CHCHD3: variants seen among roughly 807,000 people sequenced by gnomAD.
CHCHD3 encodes the protein coiled-coil-helix-coiled-coil-helix domain containing 3, also known as MICOS complex subunit MIC19.
CHCHD3 carries 20 observed loss-of-function variants against 38.2 expected under a neutral mutation model. The ratio of observed to expected loss-of-function variants is 0.52; its 90% CI spans 0.37 to 0.76. CHCHD3 has a LOEUF of 0.76. CHCHD3 is among the 30% of genes least tolerant of loss of function. The pLI is 0.00. For synonymous variants in CHCHD3, 82 were observed against 100.0 expected (o/e 0.82, Z 1.07); for missense variants, 245 against 279.2 (o/e 0.88, Z 0.87).
At chr7:132,945,766 C>G (rs1433660517) in intron 4 of CHCHD3, among the ~76,000 whole-genome samples, 1 of 151,860 alleles carries the variant, frequency 6.6e-6, no homozygotes, top group African/African-American at 2.4e-5. Flanking sequence ...GGCATTGACA[C>G]TAGGCACACA....
intron 4 of CHCHD3, among the ~76,000 whole-genome samples, chr7:132,960,533 T>C (rs959254482): frequency 1.3e-4 from 20 of 152,200 alleles, no homozygotes; most frequent in Non-Finnish European, 2.8e-4. Context: ...CATTCTTCTA[T>C]CACCTGTGCA....
chr7:132,797,092 C>T (rs932168049), intron 6 of CHCHD3, among the ~76,000 whole-genome samples: 1 of 152,118 alleles, frequency 6.6e-6, no homozygotes, highest in African/African-American at 2.4e-5. Context: ...CATAGGAAAT[C>T]GAAGATGGTC....
chr7:132,971,293 T>C (rs1411283480), intron 4 of CHCHD3, among the ~76,000 whole-genome samples: 1 of 152,200 alleles, frequency 6.6e-6, no homozygotes, highest in Non-Finnish European at 1.5e-5. Context: ...GGTAAAATCA[T>C]TATCAGTAGA....
At position 133,035,783 on chromosome 7, in the gene CHCHD3, G is replaced by A; in HGVS notation, c.170-11156C>T. ...CAGGAAATTTGCGAAGAAATTCAGA[G>A]GTGCGGTTGGTTTGGCCAAAATGGA... On this transcript the variant is annotated intron_variant, in intron 2 of 7. Coordinates refer to ENST00000262570, the MANE Select transcript of CHCHD3 (RefSeq NM_017812.4). This position sits in a 1 kb window ranked among gnomAD's most constrained non-coding sequence, Gnocchi z 4.7. The A allele has an allele frequency of 2.5e-6, 4 of 1,613,264 alleles. No individual in the cohort carries two copies. Among genetic ancestry groups the A allele is most frequent in the Non-Finnish European group, 3.4e-6 (4 of 1,179,278 alleles).
At chr7:132,859,424 G>C (rs1026918453) in intron 5 of CHCHD3, among the ~76,000 whole-genome samples, 2 of 152,010 alleles carry the variant, frequency 1.3e-5, no homozygotes, top group African/African-American at 4.8e-5. Context: ...AAGTAACACA[G>C]GAAAAATTGG....
At chr7:132,991,153 C>T (rs1458385980) in intron 3 of CHCHD3, among the ~76,000 whole-genome samples, 1 of 152,164 alleles carries the variant, frequency 6.6e-6, no homozygotes, top group Non-Finnish European at 1.5e-5. Context: ...TTGATTCTTA[C>T]ATTGAGCTGC....
chr7:132,816,019 C>T (rs1380109868), intron 6 of CHCHD3, among the ~76,000 whole-genome samples: 3 of 152,200 alleles, frequency 2.0e-5, no homozygotes, highest in Non-Finnish European at 4.4e-5. Context: ...ATTTGCCTTT[C>T]CTTGCACTAG....
At chr7:133,027,798 A>T (rs1343064996) in intron 2 of CHCHD3, among the ~76,000 whole-genome samples, 1 of 152,180 alleles carries the variant, frequency 6.6e-6, no homozygotes, top group African/African-American at 2.4e-5. Flanking sequence ...GCTCTTTATG[A>T]AAGTATGAAA....
intron 5 of CHCHD3, among the ~76,000 whole-genome samples, chr7:132,881,226 A>G (rs1355175495): frequency 2.6e-5 from 4 of 152,184 alleles, no homozygotes; most frequent in African/African-American, 9.6e-5. Flanking sequence ...AGAAAATTAT[A>G]TCAGACTCCT....
rs550930827 is a variant in CHCHD3, at chr7:132,970,768, A to T, written c.369+4401T>A. Among the ~76,000 whole-genome samples the T allele has an allele frequency of 9.5e-5, 14 of 147,450 alleles. No individual in the cohort carries two copies. In the South Asian group the frequency reaches 1.5e-3, roughly 16 times the overall value. ...AGACTTCTTTTTAACATTTAGATTTAAAAAAAAAAGAAAAGAAGAGAAAAT... is the reference window on the plus strand; with the variant it reads ...AGACTTCTTTTTAACATTTAGATTTTAAAAAAAAAGAAAAGAAGAGAAAAT... On this transcript the variant is annotated intron_variant, in intron 4 of 7. Transcript: ENST00000262570.
intron 5 of CHCHD3, among the ~76,000 whole-genome samples, chr7:132,867,424 T>C (rs1305274336): frequency 3.3e-5 from 5 of 152,198 alleles, no homozygotes; most frequent in Non-Finnish European, 7.4e-5. Context: ...TTTGAAAGTA[T>C]TCTAAATTAC....
chr7:132,852,764 AG>A (rs1488380004), intron 5 of CHCHD3, among the ~76,000 whole-genome samples: 1 of 152,188 alleles, frequency 6.6e-6, no homozygotes, highest in African/African-American at 2.4e-5. Flanking sequence ...TGGTGGAGAA[AG>A]GAATCCTGAG....
chr7:132,843,143 T>G (rs953561065), intron 5 of CHCHD3, among the ~76,000 whole-genome samples: 8 of 152,200 alleles, frequency 5.3e-5, no homozygotes, highest in African/African-American at 1.9e-4. Context: ...GTTCAAGTGA[T>G]TCTCCTGCCT....
intron 5 of CHCHD3, among the ~76,000 whole-genome samples, chr7:132,882,300 C>T (rs1410850742): frequency 6.6e-6 from 1 of 152,090 alleles, no homozygotes; most frequent in African/African-American, 2.4e-5. Flanking sequence ...CCTTGTCTAA[C>T]ATTCTTTCTT....
intron 4 of CHCHD3, among the ~76,000 whole-genome samples, chr7:132,891,816 G>T (rs1323474738): frequency 1.3e-5 from 2 of 152,104 alleles, no homozygotes; most frequent in Non-Finnish European, 2.9e-5. Flanking sequence ...ATAGTGAGTG[G>T]GTGCTCACAA....
At chr7:133,017,676 C>T (rs1370249565) in intron 3 of CHCHD3, among the ~76,000 whole-genome samples, 5 of 152,126 alleles carry the variant, frequency 3.3e-5, no homozygotes, top group Non-Finnish European at 4.4e-5. Flanking sequence ...GTCTATGGCA[C>T]GCTTGATTGA....
chr7:132,794,941 G>A (rs1175850547), intron 7 of CHCHD3, among the ~76,000 whole-genome samples: 3 of 152,186 alleles, frequency 2.0e-5, no homozygotes, highest in East Asian at 3.9e-4. Context: ...GCCATGTGGC[G>A]TATTTGCTTT....
At chr7:132,841,440 A>T (rs1807937664) in intron 5 of CHCHD3, among the ~76,000 whole-genome samples, 1 of 150,506 alleles carries the variant, frequency 6.6e-6, no homozygotes, top group South Asian at 2.1e-4. Context: ...AAAAAAAAAA[A>T]ACAACCAACC....
intron 5 of CHCHD3, among the ~76,000 whole-genome samples, chr7:132,844,049 C>T (rs898036488): frequency 6.6e-6 from 1 of 152,202 alleles, no homozygotes; most frequent in African/African-American, 2.4e-5. Flanking sequence ...CCTGTAATCC[C>T]AACACCTTGG....
Sources: gnomAD v4.1 joint callset for allele counts (sites outside exome capture counted in the v4.1 genomes callset) on GRCh38, gnomAD v4.1.1 for gene constraint, Gnocchi (gnomAD v3.1) non-coding constraint, MANE v1.5 for transcripts, NCBI Gene and HGNC (gene_info 2026-07-23, HGNC 2026-07-21) for gene names.